TBC1D22A: variants seen among roughly 807,000 people sequenced by gnomAD.
TBC1D22A encodes putative GTPase activator.
In TBC1D22A, 38 loss-of-function variants were observed where a neutral mutation model predicts 60.2. That is an observed-to-expected ratio of 0.63 (90% CI 0.49 to 0.83). TBC1D22A has a LOEUF of 0.83. TBC1D22A is among the 40% of genes least tolerant of loss of function. The pLI is 0.00. For synonymous variants in TBC1D22A, 302 were observed against 281.7 expected (o/e 1.07, Z -0.72); for missense variants, 628 against 701.0 (o/e 0.90, Z 1.18).
At chr22:46,854,581 C>T (rs2087470722) in intron 4 of TBC1D22A, among the ~76,000 whole-genome samples, 1 of 152,132 alleles carries the variant, frequency 6.6e-6, no homozygotes, top group African/African-American at 2.4e-5. Context: ...GCGCTAATTC[C>T]TTCAGCCTTT....
At chr22:46,837,311 C>T (rs2086566661) in intron 4 of TBC1D22A, among the ~76,000 whole-genome samples, 2 of 152,174 alleles carry the variant, frequency 1.3e-5, no homozygotes, top group African/African-American at 4.8e-5. Context: ...GATTTCAGTA[C>T]TGCACTTTCA....
chr22:46,986,603 T>C (rs2074732422), intron 9 of TBC1D22A, among the ~76,000 whole-genome samples: 1 of 152,240 alleles, frequency 6.6e-6, no homozygotes, highest in Non-Finnish European at 1.5e-5. Flanking sequence ...CTTTGTCAAA[T>C]TTGTTTCTGA....
chr22:47,068,060 G>A (rs780754134), intron 11 of TBC1D22A, among the ~76,000 whole-genome samples: 1 of 152,248 alleles, frequency 6.6e-6, no homozygotes, highest in African/African-American at 2.4e-5. Context: ...CCGCGAAAGC[G>A]CTCGGCAGGG....
rs113994645 is a variant in TBC1D22A, at chr22:46,764,514, A to G, written c.62+1666A>G. 6.5e-3 allele frequency among the ~76,000 whole-genome samples: 987 copies of G among 152,324 alleles called. 8 individuals carry two copies. Among genetic ancestry groups the G allele is most frequent in the African/African-American group, 0.023 (956 of 41,558 alleles). ...TGTGTGGAGTTACAGCAGTGACTCAACCTTTGGATTGAAGGCTGTGGCTCT... is the reference window on the plus strand; with the variant it reads ...TGTGTGGAGTTACAGCAGTGACTCAGCCTTTGGATTGAAGGCTGTGGCTCT... On this transcript the variant is annotated intron_variant, in intron 1 of 12. Transcript: ENST00000337137.
chr22:47,037,261 C>CGT, intron 11 of TBC1D22A, 63 bp downstream of exon 11: 1 of 1,599,590 alleles, frequency 6.3e-7, no homozygotes, highest in Non-Finnish European at 8.5e-7. Flanking sequence ...TTCCTGTCGC[C>CGT]TTCTGCCCTG....
chr22:46,990,818 G>A lies in TBC1D22A; in HGVS notation c.1126-6816G>A, dbSNP rs766786970. 1.2e-4 allele frequency among the ~76,000 whole-genome samples: 19 copies of A among 152,236 alleles called. No homozygotes were observed. Among genetic ancestry groups the A allele is most frequent in the African/African-American group, 2.2e-4 (9 of 41,454 alleles). On this transcript the variant is annotated intron_variant, in intron 9 of 12. Coordinates refer to ENST00000337137, the MANE Select transcript of TBC1D22A (RefSeq NM_014346.5). The surrounding 1 kb of genome is among the most constrained non-coding windows in gnomAD (Gnocchi z 4.6). Reference sequence around the variant, plus strand: ...CTGGCTGTCTCCCTCCCGCGCCGGCGTTCGTGACGGCTCTGCTCCTCGCCG... The same window carrying A: ...CTGGCTGTCTCCCTCCCGCGCCGGCATTCGTGACGGCTCTGCTCCTCGCCG...
chr22:46,917,573 C>T (rs143472791), intron 8 of TBC1D22A, among the ~76,000 whole-genome samples: 22 of 152,158 alleles, frequency 1.4e-4, no homozygotes, highest in African/African-American at 4.6e-4. Flanking sequence ...GTTGAGGAGG[C>T]GGGATGGGGT....
chr22:46,961,882 T>C (rs2073524890), intron 8 of TBC1D22A, among the ~76,000 whole-genome samples: 1 of 152,168 alleles, frequency 6.6e-6, no homozygotes, highest in African/African-American at 2.4e-5. Context: ...GAGTATTGTG[T>C]GGGTTTGAGT....
At chr22:46,780,746 C>T (rs980015790) in intron 1 of TBC1D22A, among the ~76,000 whole-genome samples, 1 of 152,158 alleles carries the variant, frequency 6.6e-6, no homozygotes, top group African/African-American at 2.4e-5. Flanking sequence ...CAGCCCGGGC[C>T]TGGTGTGGAG....
At chr22:47,023,620 A>G (rs131941) in intron 10 of TBC1D22A, among the ~76,000 whole-genome samples, 64,683 of 152,082 alleles carry the variant, frequency 0.43, 16,209 homozygotes, top group African/African-American at 0.71. Context: ...GACACCCTGC[A>G]TTACAAAGGT....
chr22:46,908,355 C>G lies in TBC1D22A; in HGVS notation c.901-3719C>G, dbSNP rs141790147. Among the ~76,000 whole-genome samples, 47 of 152,300 alleles carry G rather than the reference C, an allele frequency of 3.1e-4. 1 individual carries two copies. The highest frequency in any genetic ancestry group is 3.4e-3 in the Middle Eastern group (1 of 294). On this transcript the variant is annotated intron_variant, in intron 7 of 12. Transcript: ENST00000337137. ...AGGGGCGGACCTCAGGAGCAGTGCC[C>G]TAAAAGCCTGTGCCTTTAGCGGCAG...
At chr22:46,851,578 G>T (rs1043070439) in intron 4 of TBC1D22A, among the ~76,000 whole-genome samples, 5 of 152,252 alleles carry the variant, frequency 3.3e-5, no homozygotes, top group African/African-American at 1.2e-4. Flanking sequence ...CCTGGTCCTG[G>T]CTGTTCTGCC....
At chr22:47,001,827 A>G (rs958628070) in intron 10 of TBC1D22A, among the ~76,000 whole-genome samples, 1 of 152,226 alleles carries the variant, frequency 6.6e-6, no homozygotes, top group Non-Finnish European at 1.5e-5. Context: ...AAATAACTAA[A>G]AGTTAAATAT....
At chr22:46,941,621 ACGGAATATATATACG>A (rs1368165864) in intron 8 of TBC1D22A, among the ~76,000 whole-genome samples, 4 of 148,396 alleles carry the variant, frequency 2.7e-5, no homozygotes, top group Non-Finnish European at 4.5e-5. Context: ...GAATATATAT[ACGGAATATATATACG>A]CGGAATATAT....
At chr22:46,931,440 A>G (rs2071350096) in intron 8 of TBC1D22A, among the ~76,000 whole-genome samples, 1 of 152,262 alleles carries the variant, frequency 6.6e-6, no homozygotes, top group Non-Finnish European at 1.5e-5. Flanking sequence ...GAGGAAATAA[A>G]CCAACAAATA....
chr22:46,992,247 C>T (rs1379188948), intron 9 of TBC1D22A, among the ~76,000 whole-genome samples: 1 of 152,256 alleles, frequency 6.6e-6, no homozygotes, highest in African/African-American at 2.4e-5. Flanking sequence ...TCCAAGCCCC[C>T]TCCTGGCGGA....
intron 4 of TBC1D22A, among the ~76,000 whole-genome samples, chr22:46,828,917 G>A (rs1408218949): frequency 6.6e-6 from 1 of 152,128 alleles, no homozygotes; most frequent in Non-Finnish European, 1.5e-5. Flanking sequence ...TTTCATACTT[G>A]AAACGACCTA....
At chr22:46,921,039 G>A (rs941046423) in intron 8 of TBC1D22A, among the ~76,000 whole-genome samples, 14 of 152,204 alleles carry the variant, frequency 9.2e-5, no homozygotes, top group African/African-American at 3.4e-4. Context: ...CCAAAGTGCT[G>A]GGATTACAGG....
intron 3 of TBC1D22A, among the ~76,000 whole-genome samples, chr22:46,797,196 C>G (rs1410377187): frequency 6.6e-6 from 1 of 152,224 alleles, no homozygotes; most frequent in African/African-American, 2.4e-5. Context: ...CTGGAGTTTT[C>G]TGGCTGTCAT....
Sources: allele counts gnomAD v4.1 joint callset (sites outside exome capture counted in the v4.1 genomes callset), GRCh38; gene constraint gnomAD v4.1.1; non-coding constraint Gnocchi (gnomAD v3.1); transcripts MANE v1.5; gene names NCBI Gene and HGNC (gene_info 2026-07-23, HGNC 2026-07-21).